Variants in RIMS2 observed in about 807,000 individuals in gnomAD.
RIMS2 encodes the protein regulating synaptic membrane exocytosis 2.
In RIMS2, 59 loss-of-function variants were observed where a neutral mutation model predicts 174.4. The observed-to-expected ratio is 0.34, with a 90% CI of 0.27 to 0.42. RIMS2 has a LOEUF of 0.42. Among genes scored for constraint, RIMS2 ranks in the 10% least tolerant of loss-of-function variants. The pLI is 1.00. For missense variants in RIMS2, 1,620 were observed against 1,666.3 expected (o/e 0.97, Z 0.48); for synonymous variants, 606 against 572.5 (o/e 1.06, Z -0.84).
At chr8:103,966,287 A>G (rs1430587372) in intron 15 of RIMS2, among the ~76,000 whole-genome samples, 1 of 152,104 alleles carries the variant, frequency 6.6e-6, no homozygotes, top group East Asian at 1.9e-4. Context: ...GATATTAATT[A>G]TTGATTCAAT....
At chr8:103,935,921 G>A (rs2081137929) in intron 12 of RIMS2, among the ~76,000 whole-genome samples, 1 of 152,102 alleles carries the variant, frequency 6.6e-6, no homozygotes, top group African/African-American at 2.4e-5. Flanking sequence ...CTCTGAGCTG[G>A]CAATGCCATT....
At chr8:103,925,950 A>G (rs998742461) in intron 10 of RIMS2, among the ~76,000 whole-genome samples, 3 of 151,566 alleles carry the variant, frequency 2.0e-5, no homozygotes, top group African/African-American at 7.2e-5. Flanking sequence ...GCAAAAATAT[A>G]TTTTTATAGC....
At chr8:103,667,678 A>G (rs1248351436) in intron 1 of RIMS2, among the ~76,000 whole-genome samples, 1 of 152,202 alleles carries the variant, frequency 6.6e-6, no homozygotes, top group Non-Finnish European at 1.5e-5. Context: ...TTGCTCATAG[A>G]GGTATAAGCA....
At chr8:103,787,093 C>T (rs1187849824) in intron 3 of RIMS2, among the ~76,000 whole-genome samples, 1 of 146,358 alleles carries the variant, frequency 6.8e-6, no homozygotes, top group East Asian at 2.0e-4. Flanking sequence ...AGGATTGCAA[C>T]CCCTGCCTTT....
intron 3 of RIMS2, among the ~76,000 whole-genome samples, chr8:103,805,738 A>C (rs552746498): frequency 6.6e-6 from 1 of 151,606 alleles, no homozygotes; most frequent in Admixed American, 6.6e-5. Flanking sequence ...TTTTTTGTCT[A>C]TTTCTTAGAG....
intron 2 of RIMS2, among the ~76,000 whole-genome samples, chr8:103,753,350 A>G (rs1431304017): frequency 6.6e-6 from 1 of 152,156 alleles, no homozygotes; most frequent in Non-Finnish European, 1.5e-5. Flanking sequence ...TGTTTTATTG[A>G]GGATTTTTGC....
intron 1 of RIMS2, among the ~76,000 whole-genome samples, chr8:103,514,964 T>TC (rs1298141986): frequency 1.3e-5 from 2 of 151,974 alleles, no homozygotes; most frequent in Non-Finnish European, 2.9e-5. Flanking sequence ...ACAAAAAACT[T>TC]CATTTTTTTC....
intron 1 of RIMS2, among the ~76,000 whole-genome samples, chr8:103,629,591 TA>T (rs1419191531): frequency 6.6e-6 from 1 of 152,212 alleles, no homozygotes; most frequent in African/African-American, 2.4e-5. Flanking sequence ...GGATACCATT[TA>T]AAACTACTTG....
At chr8:103,687,889 A>AT (rs34116428) in intron 1 of RIMS2, among the ~76,000 whole-genome samples, 2 of 151,712 alleles carry the variant, frequency 1.3e-5, no homozygotes, top group East Asian at 1.9e-4. Context: ...TATATACCGC[A>AT]TTTTTTTTTA....
intron 1 of RIMS2, among the ~76,000 whole-genome samples, chr8:103,572,662 G>GAAC (rs2092920449): frequency 6.6e-6 from 1 of 151,780 alleles, no homozygotes. Flanking sequence ...TAGTGATGAT[G>GAAC]AACATTTTTT....
At chr8:103,740,060 G>A (rs1313914644) in intron 2 of RIMS2, among the ~76,000 whole-genome samples, 2 of 152,112 alleles carry the variant, frequency 1.3e-5, no homozygotes, top group African/African-American at 4.8e-5. Context: ...CTTTAATTTA[G>A]AGTGGACGGG....
At chr8:104,126,101 G>A (rs987599787) in intron 19 of RIMS2, among the ~76,000 whole-genome samples, 6 of 152,130 alleles carry the variant, frequency 3.9e-5, no homozygotes, top group African/African-American at 1.4e-4. Flanking sequence ...TTTAGCACCA[G>A]GGACCAGTTT....
At chr8:103,611,674 CT>C (rs1039069082) in intron 1 of RIMS2, among the ~76,000 whole-genome samples, 8 of 146,594 alleles carry the variant, frequency 5.5e-5, no homozygotes, top group East Asian at 3.9e-4. Context: ...TTATTTGTTA[CT>C]TTTTTTTTTC....
At chr8:104,073,599 A>G (rs1001583809) in intron 19 of RIMS2, among the ~76,000 whole-genome samples, 13 of 152,210 alleles carry the variant, frequency 8.5e-5, no homozygotes, top group African/African-American at 3.1e-4. Flanking sequence ...AGTATAATCT[A>G]TGAGTTGCCC....
intron 17 of RIMS2, among the ~76,000 whole-genome samples, chr8:103,990,373 TA>T (rs2094605174): frequency 6.6e-6 from 1 of 152,108 alleles, no homozygotes; most frequent in Non-Finnish European, 1.5e-5. Context: ...CAATAGTGTC[TA>T]ACAAGTATTG....
chr8:103,968,307 G>A (rs1245954530), intron 15 of RIMS2, among the ~76,000 whole-genome samples: 1 of 151,994 alleles, frequency 6.6e-6, no homozygotes, highest in Non-Finnish European at 1.5e-5. Flanking sequence ...CTTTTAGTTA[G>A]TGCATGTAAA....
intron 16 of RIMS2, among the ~76,000 whole-genome samples, chr8:103,977,947 C>T (rs2093589638): frequency 6.6e-6 from 1 of 152,204 alleles, no homozygotes; most frequent in Admixed American, 6.5e-5. Context: ...GCCCTCAACC[C>T]TCTTTCTGTA....
intron 3 of RIMS2, among the ~76,000 whole-genome samples, chr8:103,809,380 T>C (rs2098672072): frequency 6.6e-6 from 1 of 152,094 alleles, no homozygotes; most frequent in African/African-American, 2.4e-5. Flanking sequence ...ATAACACATA[T>C]AATTTCTTAG....
intron 19 of RIMS2, among the ~76,000 whole-genome samples, chr8:104,147,908 T>C (rs1233970098): frequency 6.6e-6 from 1 of 152,218 alleles, no homozygotes; most frequent in Non-Finnish European, 1.5e-5. Context: ...GATTCATCGA[T>C]TGCTTTCTGG....
Sources: allele counts gnomAD v4.1 joint callset (sites outside exome capture counted in the v4.1 genomes callset), GRCh38; gene constraint gnomAD v4.1.1; transcripts MANE v1.5; gene names NCBI Gene and HGNC (gene_info 2026-07-23, HGNC 2026-07-21).